Variants in LRRTM4 observed in about 807,000 individuals in gnomAD.
LRRTM4 encodes the protein leucine-rich repeat transmembrane neuronal protein 4.
LRRTM4 carries 25 observed loss-of-function variants against 47.6 expected under a neutral mutation model. The observed-to-expected ratio is 0.53, with a 90% CI of 0.38 to 0.73. LRRTM4 has a LOEUF of 0.73. Ranked by LOEUF, LRRTM4 falls within the 30% of genes least tolerant of loss-of-function variation. The pLI, the probability that LRRTM4 is intolerant of heterozygous loss-of-function variation, is 0.00. For synonymous variants in LRRTM4, 311 were observed against 269.5 expected (o/e 1.15, Z -1.51); for missense variants, 638 against 713.4 (o/e 0.89, Z 1.20).
chr2:77,374,019 G>A (rs1398416511), intron 3 of LRRTM4, among the ~76,000 whole-genome samples: 1 of 151,772 alleles, frequency 6.6e-6, no homozygotes, highest in Non-Finnish European at 1.5e-5. Flanking sequence ...GGGAGATTTT[G>A]ACCTTCACTT....
intron 3 of LRRTM4, among the ~76,000 whole-genome samples, chr2:77,101,826 A>G (rs1018177759): frequency 6.6e-6 from 1 of 152,204 alleles, no homozygotes; most frequent in African/African-American, 2.4e-5. Context: ...TTGTACATTA[A>G]TATTTTCAGT....
At chr2:76,932,733 T>G (rs1553432890) in intron 3 of LRRTM4, among the ~76,000 whole-genome samples, 1 of 152,036 alleles carries the variant, frequency 6.6e-6, no homozygotes, top group Non-Finnish European at 1.5e-5. Flanking sequence ...TAGACACACA[T>G]GTGTTCTCTC....
At position 77,121,078 on chromosome 2, in the gene LRRTM4, G is replaced by C. The variant is rs568339407; in HGVS notation, c.1552-372162C>G. 1.8e-4 allele frequency among the ~76,000 whole-genome samples: 28 copies of C among 151,870 alleles called. No homozygotes were observed. The South Asian group carries it at 5.4e-3, about 29-fold the overall frequency. On this transcript the variant is annotated intron_variant, in intron 3 of 3. Transcript: ENST00000409884. ...GAGGATGAATAAGACAAGAAATGGA[G>C]TTTTAACAACAAGCTCTCATGTCTA...
chr2:77,491,988 A>G (rs1044055098), intron 3 of LRRTM4, among the ~76,000 whole-genome samples: 1 of 146,798 alleles, frequency 6.8e-6, no homozygotes, highest in Admixed American at 6.8e-5. Flanking sequence ...AATAGAAAAT[A>G]TAAAATCATA....
chr2:77,324,998 G>C (rs1446973442), intron 3 of LRRTM4, among the ~76,000 whole-genome samples: 1 of 152,146 alleles, frequency 6.6e-6, no homozygotes, highest in Non-Finnish European at 1.5e-5. Flanking sequence ...TTAGTTGATG[G>C]ACTAGATGTT....
intron 3 of LRRTM4, among the ~76,000 whole-genome samples, chr2:77,305,192 C>T (rs1458683065): frequency 2.6e-5 from 4 of 151,940 alleles, no homozygotes; most frequent in Non-Finnish European, 1.5e-5. Context: ...GTTAATTCAA[C>T]ACCAAAACAT....
chr2:77,135,345 T>C (rs1201350891), intron 3 of LRRTM4, among the ~76,000 whole-genome samples: 1 of 152,220 alleles, frequency 6.6e-6, no homozygotes, highest in Non-Finnish European at 1.5e-5. Flanking sequence ...CATTGGCACA[T>C]GCCCATGCCC....
intron 3 of LRRTM4, among the ~76,000 whole-genome samples, chr2:76,949,279 G>A (rs555283026): frequency 5.9e-5 from 9 of 151,938 alleles, no homozygotes; most frequent in African/African-American, 2.2e-4. Context: ...TCAAGTTTCT[G>A]GCTCTTTCAC....
chr2:77,291,717 C>A (rs1056818852), intron 3 of LRRTM4, among the ~76,000 whole-genome samples: 1 of 151,888 alleles, frequency 6.6e-6, no homozygotes, highest in African/African-American at 2.4e-5. Context: ...TTTGATAGAT[C>A]TTAGATAAAC....
intron 3 of LRRTM4, among the ~76,000 whole-genome samples, chr2:77,007,616 CTT>C (rs1208212568): frequency 1.3e-5 from 2 of 152,122 alleles, no homozygotes; most frequent in African/African-American, 4.8e-5. Context: ...TTGTTACTAA[CTT>C]GTACATTTGG....
At position 77,046,719 on chromosome 2, in the gene LRRTM4, CAGA is replaced by C. The variant is rs1283309357; in HGVS notation, c.1552-297806_1552-297804del. ...ATTTTAAAAAGCATAGAGAAAAAGG[CAGA>C]AGGAGGTCTGTCCCATAGTATAGTC... On this transcript the variant is annotated intron_variant, in intron 3 of 3. Coordinates refer to ENST00000409884, the MANE Select transcript of LRRTM4 (RefSeq NM_001134745.3). 7.2e-5 allele frequency among the ~76,000 whole-genome samples: 11 copies of C among 151,878 alleles called. 1 individual carries two copies. Among genetic ancestry groups the C allele is most frequent in the South Asian group, 4.2e-4 (2 of 4,818 alleles).
At chr2:77,105,148 A>G (rs182234566) in intron 3 of LRRTM4, among the ~76,000 whole-genome samples, 11 of 152,300 alleles carry the variant, frequency 7.2e-5, no homozygotes, top group Non-Finnish European at 1.5e-5. Context: ...CAATATGTGA[A>G]TATTATTTGG....
At chr2:76,854,754 C>T (rs1306133546) in intron 3 of LRRTM4, among the ~76,000 whole-genome samples, 1 of 151,456 alleles carries the variant, frequency 6.6e-6, no homozygotes, top group Non-Finnish European at 1.5e-5. Flanking sequence ...TACTATATGT[C>T]AGGAGCTCTC....
intron 3 of LRRTM4, among the ~76,000 whole-genome samples, chr2:77,048,516 C>T (rs992613906): frequency 2.0e-4 from 30 of 151,908 alleles, no homozygotes; most frequent in African/African-American, 7.3e-4. Flanking sequence ...ATGATTAAAA[C>T]CATGCTGGAA....
At chr2:76,884,947 T>C (rs767584132) in intron 3 of LRRTM4, among the ~76,000 whole-genome samples, 17 of 152,108 alleles carry the variant, frequency 1.1e-4, no homozygotes, top group Non-Finnish European at 2.4e-4. Context: ...ATGTTTTTAA[T>C]GATCTGAAAA....
chr2:76,950,307 C>A (rs539947562), intron 3 of LRRTM4, among the ~76,000 whole-genome samples: 5 of 151,892 alleles, frequency 3.3e-5, no homozygotes, highest in Admixed American at 3.3e-4. Flanking sequence ...TCCTGGAAGG[C>A]GTATTTCCTA....
intron 3 of LRRTM4, among the ~76,000 whole-genome samples, chr2:77,214,002 G>T (rs951586603): frequency 2.6e-5 from 4 of 151,926 alleles, no homozygotes; most frequent in Non-Finnish European, 5.9e-5. Flanking sequence ...AGCCCTAGAA[G>T]AAACTGAAAT....
At chr2:77,182,747 GCCAGTTTTCAAAGGGAATGCTT>G (rs1238141228) in intron 3 of LRRTM4, among the ~76,000 whole-genome samples, 1 of 152,002 alleles carries the variant, frequency 6.6e-6, no homozygotes, top group African/African-American at 2.4e-5. Flanking sequence ...CCTGCCTTGC[GCCAGTTTTCAAAGGGAATGCTT>G]CCAGTTTTTG....
At chr2:76,915,729 A>C (rs1050821613) in intron 3 of LRRTM4, among the ~76,000 whole-genome samples, 3 of 152,174 alleles carry the variant, frequency 2.0e-5, no homozygotes, top group Non-Finnish European at 4.4e-5. Context: ...CAAATAAGTA[A>C]AAAAATTAAA....
Sources: allele counts gnomAD v4.1 joint callset (sites outside exome capture counted in the v4.1 genomes callset), GRCh38; gene constraint gnomAD v4.1.1; transcripts MANE v1.5; gene names NCBI Gene and HGNC (gene_info 2026-07-23, HGNC 2026-07-21).